Variants in STK38 observed in about 807,000 individuals in gnomAD.
STK38 encodes the protein serine/threonine-protein kinase 38.
STK38 carries 26 observed loss-of-function variants against 59.0 expected under a neutral mutation model. The ratio of observed to expected loss-of-function variants is 0.44; its 90% CI spans 0.32 to 0.61. STK38 has a LOEUF of 0.61. Among genes scored for constraint, STK38 ranks in the 20% least tolerant of loss-of-function variants. The pLI is 0.04. For missense variants in STK38, 433 were observed against 566.0 expected, an observed-to-expected ratio of 0.76 and a Z score of 2.38; for synonymous variants, 175 against 176.6, an observed-to-expected ratio of 0.99 and a Z score of 0.07.
At position 36,510,473 on chromosome 6, in the gene STK38, G is replaced by A. The variant is rs540308280; in HGVS notation, c.670-2871C>T. 2.0e-5 allele frequency among the ~76,000 whole-genome samples: 3 copies of A among 152,320 alleles called. No homozygotes were observed. In the South Asian group the frequency reaches 6.2e-4, roughly 32 times the overall value. ...TTCTGGGATGCCCAGGTCTGCAGCT[G>A]TGGTTGGGCAACTGCAACTGTGCCT... On this transcript the variant is annotated intron_variant, in intron 7 of 13. Coordinates refer to ENST00000229812, the MANE Select transcript of STK38 (RefSeq NM_007271.4).
intron 7 of STK38, among the ~76,000 whole-genome samples, chr6:36,509,580 C>G (rs947080708): frequency 7.5e-6 from 1 of 133,728 alleles, no homozygotes; most frequent in Non-Finnish European, 1.5e-5. Flanking sequence ...TTTAATAAAT[C>G]GAGGCGCAGG....
intron 1 of STK38, among the ~76,000 whole-genome samples, chr6:36,545,636 G>C (rs1778039239): frequency 6.6e-6 from 1 of 151,988 alleles, no homozygotes; most frequent in African/African-American, 2.4e-5. Context: ...TTGCCCTATA[G>C]CAATTCATAG....
At chr6:36,517,911 A>AT in intron 5 of STK38, 71 bp from the exon 6 acceptor site, 1 of 1,540,628 alleles carries the variant, frequency 6.5e-7, no homozygotes, top group South Asian at 1.2e-5. Flanking sequence ...TGCTTAAACA[A>AT]TTTAAATACT....
intron 9 of STK38, among the ~76,000 whole-genome samples, chr6:36,503,086 T>G (rs888297380): frequency 6.6e-6 from 1 of 152,240 alleles, no homozygotes; most frequent in Admixed American, 6.5e-5. Flanking sequence ...CTGGTTCACA[T>G]GTGCAGTTTC....
rs1776672286 is a variant in STK38 at position 36,495,196 on chromosome 6, A to G, written c.*588T>C. 1 of 153,148 alleles carries G rather than the reference A, an allele frequency of 6.5e-6. No homozygotes were observed. The highest frequency in any genetic ancestry group is 1.5e-5 in the Non-Finnish European group (1 of 68,442). The allele number at this position is 153,148 out of a possible 1,614,324, so 9.5% of individuals were successfully genotyped here. On this transcript the variant is annotated 3_prime_UTR_variant, in exon 14 of 14. Transcript: ENST00000229812. ...GTCTTTATCTTAGTACCATAAATAA[A>G]GTGCACCATGAATGGAGGCTATAAG...
chr6:36,540,125 T>C lies in STK38; in HGVS notation c.78A>G (p.Thr26=). 6.2e-7 allele frequency: 1 copy of C among 1,614,134 alleles called. No homozygotes were observed. Among genetic ancestry groups the C allele is most frequent in the Non-Finnish European group, 8.5e-7 (1 of 1,180,006 alleles). The change falls in exon 2 of 14, where the codon ACA becomes ACG. Residue 26 remains threonine, a synonymous_variant. Coordinates refer to ENST00000229812, the MANE Select transcript of STK38 (RefSeq NM_007271.4). ...TKERVTMTKV[T]LENFYSNLIA... ...TAAGGTTGCTATAAAAATTCTCCAG[T>C]GTCACTTTGGTCATTGTCACCCTTT...
At chr6:36,529,633 T>A (rs1777619084) in intron 2 of STK38, among the ~76,000 whole-genome samples, 1 of 152,222 alleles carries the variant, frequency 6.6e-6, no homozygotes, top group East Asian at 1.9e-4. Context: ...ATTTCTTATA[T>A]GAGAGAGTGG....
At chr6:36,502,736 T>A (rs913319079) in intron 9 of STK38, among the ~76,000 whole-genome samples, 6 of 152,246 alleles carry the variant, frequency 3.9e-5, no homozygotes, top group Non-Finnish European at 7.3e-5. Context: ...TCCTCGTCTC[T>A]CCTGCTTCTC....
chr6:36,530,642 C>T (rs1405874554), intron 2 of STK38, among the ~76,000 whole-genome samples: 1 of 150,498 alleles, frequency 6.6e-6, no homozygotes, highest in South Asian at 2.1e-4. Context: ...ACAGGGATTA[C>T]AGGCGTGAGC....
intron 6 of STK38, among the ~76,000 whole-genome samples, chr6:36,516,650 G>A (rs988210949): frequency 1.3e-5 from 2 of 152,170 alleles, no homozygotes; most frequent in South Asian, 4.1e-4. Flanking sequence ...CAGACACATG[G>A]AGACAGTGCA....
At chr6:36,496,207 C>T (rs1290875206) in intron 13 of STK38, among the ~76,000 whole-genome samples, 1 of 151,994 alleles carries the variant, frequency 6.6e-6, no homozygotes, top group Non-Finnish European at 1.5e-5. Flanking sequence ...CCATACCCAG[C>T]TGATTTTTGT....
chr6:36,544,749 G>GT (rs1778020179), intron 1 of STK38, among the ~76,000 whole-genome samples: 2 of 152,250 alleles, frequency 1.3e-5, no homozygotes, highest in South Asian at 4.1e-4. Flanking sequence ...GCACACACCT[G>GT]TAGTCCCAGC....
chr6:36,535,812 G>T (rs1582460383), intron 2 of STK38, among the ~76,000 whole-genome samples: 1 of 149,712 alleles, frequency 6.7e-6, no homozygotes, highest in Non-Finnish European at 1.5e-5. Context: ...GGAGGCAGAG[G>T]TTGCAGAGAG....
At chr6:36,504,707 C>T (rs1582409965) in intron 9 of STK38, among the ~76,000 whole-genome samples, 1 of 151,784 alleles carries the variant, frequency 6.6e-6, no homozygotes, top group East Asian at 1.9e-4. Context: ...CATTTAACTG[C>T]AAATACGAAA....
At chr6:36,523,264 T>G (rs1777426609) in intron 4 of STK38, among the ~76,000 whole-genome samples, 1 of 136,464 alleles carries the variant, frequency 7.3e-6, no homozygotes, top group African/African-American at 2.8e-5. Context: ...CCAGGTTTTT[T>G]GTTTTTTTTT....
At chr6:36,521,240 T>C (rs1376947241) in intron 5 of STK38, among the ~76,000 whole-genome samples, 2 of 152,224 alleles carry the variant, frequency 1.3e-5, no homozygotes, top group African/African-American at 4.8e-5. Context: ...ATTAGAAGGC[T>C]GGTCTTTTTC....
rs377103171 is a variant in STK38 at position 36,523,709 on chromosome 6, A to C, written c.306+632T>G. The stretch of plus-strand genomic sequence containing the variant: ...CCCCAACAGATTGCTCTTGTGCCCA[A>C]GCAGGATCATTTCCAAGAATTGCGG... On this transcript the variant is annotated intron_variant, in intron 4 of 13. Transcript: ENST00000229812. Among the ~76,000 whole-genome samples the C allele has an allele frequency of 9.2e-5, 14 of 152,368 alleles. No individual in the cohort carries two copies. In the East Asian group the frequency reaches 2.7e-3, roughly 29 times the overall value.
At chr6:36,533,594 C>G (rs1054800089) in intron 2 of STK38, among the ~76,000 whole-genome samples, 4 of 152,160 alleles carry the variant, frequency 2.6e-5, no homozygotes, top group Non-Finnish European at 4.4e-5. Flanking sequence ...TAGTGTTAAT[C>G]ACAATGTATC....
chr6:36,523,258 GTTT>G (rs1264389755), intron 4 of STK38, among the ~76,000 whole-genome samples: 3 of 147,342 alleles, frequency 2.0e-5, no homozygotes, highest in Non-Finnish European at 4.5e-5. Flanking sequence ...GGGGTACCAG[GTTT>G]TTTGTTTTTT....
Sources: gnomAD v4.1 joint callset for allele counts (sites outside exome capture counted in the v4.1 genomes callset) on GRCh38, gnomAD v4.1.1 for gene constraint, MANE v1.5 for transcripts, NCBI Gene and HGNC (gene_info 2026-07-23, HGNC 2026-07-21) for gene names.